Variants in PIP4K2A observed in about 807,000 individuals in gnomAD.
PIP4K2A encodes the protein phosphatidylinositol-5-phosphate 4-kinase type 2 alpha.
Under a neutral mutation model 42.9 loss-of-function variants are expected in PIP4K2A, and 14 were observed. The observed-to-expected ratio is 0.33, with a 90% CI of 0.22 to 0.51. The LOEUF is 0.51. PIP4K2A is among the 20% of genes least tolerant of loss of function. The pLI is 0.97. For synonymous variants in PIP4K2A, 192 were observed against 192.2 expected, an observed-to-expected ratio of 1.00 and a Z score of 0.01; for missense variants, 434 against 519.8, an observed-to-expected ratio of 0.83 and a Z score of 1.61.
At chr10:22,703,848 T>C (rs1426427040) in intron 1 of PIP4K2A, among the ~76,000 whole-genome samples, 1 of 152,024 alleles carries the variant, frequency 6.6e-6, no homozygotes, top group East Asian at 1.9e-4. Flanking sequence ...AAATTGGATG[T>C]GGAGAAGGAG....
intron 1 of PIP4K2A, among the ~76,000 whole-genome samples, chr10:22,639,958 T>G (rs1266870633): frequency 4.7e-5 from 7 of 149,998 alleles, no homozygotes; most frequent in African/African-American, 1.7e-4. Context: ...TAATTAAAAC[T>G]GGCGGTTTAC....
intron 1 of PIP4K2A, among the ~76,000 whole-genome samples, chr10:22,667,960 G>C (rs1485372702): frequency 6.6e-6 from 1 of 150,892 alleles, no homozygotes; most frequent in Non-Finnish European, 1.5e-5. Flanking sequence ...GAGAGAGACA[G>C]ACAGAAAGAC....
chr10:22,642,774 T>G (rs1793534873), intron 1 of PIP4K2A, among the ~76,000 whole-genome samples: 1 of 151,952 alleles, frequency 6.6e-6, no homozygotes, highest in Non-Finnish European at 1.5e-5. Context: ...ACCAACAAAG[T>G]CTCTGTGGTC....
chr10:22,676,835 C>G (rs907491092), intron 1 of PIP4K2A, among the ~76,000 whole-genome samples: 3 of 152,168 alleles, frequency 2.0e-5, no homozygotes, highest in African/African-American at 7.2e-5. Context: ...CAGAATGTCA[C>G]TCAGTACTAA....
chr10:22,542,724 C>A (rs1836154568), intron 7 of PIP4K2A, among the ~76,000 whole-genome samples: 1 of 152,212 alleles, frequency 6.6e-6, no homozygotes, highest in Admixed American at 6.5e-5. Context: ...TCCTGTCTGC[C>A]CAGTTCTTTG....
chr10:22,653,407 A>T (rs1416359528), intron 1 of PIP4K2A, among the ~76,000 whole-genome samples: 1 of 152,188 alleles, frequency 6.6e-6, no homozygotes, highest in Non-Finnish European at 1.5e-5. Context: ...CTAAAACTTC[A>T]ACATCTCTTT....
rs190104304 is a variant in PIP4K2A at position 22,643,524 on chromosome 10, G to A, written c.145-33807C>T. ...TTACAAGAATTCTAGCCACCAGCTC[G>A]CTCCATTCCCCTCCAAAGATTGCCT... On this transcript the variant is annotated intron_variant, in intron 1 of 9. Coordinates refer to ENST00000376573, the MANE Select transcript of PIP4K2A (RefSeq NM_005028.5). 7.2e-5 allele frequency among the ~76,000 whole-genome samples: 11 copies of A among 152,160 alleles called. No homozygotes were observed. In the East Asian group the frequency reaches 1.5e-3, roughly 21 times the overall value.
chr10:22,555,289 C>T (rs1398239809), intron 6 of PIP4K2A, among the ~76,000 whole-genome samples: 1 of 152,052 alleles, frequency 6.6e-6, no homozygotes, highest in East Asian at 1.9e-4. Context: ...AGTTAAGTTA[C>T]CTCTCTGTGA....
At position 22,649,571 on chromosome 10, in the gene PIP4K2A, G is replaced by C. The variant is rs12265923; in HGVS notation, c.145-39854C>G. Among the ~76,000 whole-genome samples, 1,113 of 152,300 alleles carry C rather than the reference G, an allele frequency of 7.3e-3. 12 individuals carry two copies. Among genetic ancestry groups the C allele is most frequent in the African/African-American group, 0.025 (1,056 of 41,554 alleles). On this transcript the variant is annotated intron_variant, in intron 1 of 9. Transcript: ENST00000376573. Reference sequence around the variant, plus strand: ...CCTCCAGGAGCTAATAAAATAACTAGTGGGTGACACTGCAGACACAAGGAA... The same window carrying C: ...CCTCCAGGAGCTAATAAAATAACTACTGGGTGACACTGCAGACACAAGGAA...
intron 1 of PIP4K2A, among the ~76,000 whole-genome samples, chr10:22,712,851 T>C (rs1239025373): frequency 6.6e-6 from 1 of 151,992 alleles, no homozygotes; most frequent in East Asian, 1.9e-4. Context: ...CCTGCTCAGC[T>C]TGGGGAAGAA....
Position 22,663,886 on chromosome 10 carries a change from C to A in PIP4K2A, c.144+50297G>T, listed in dbSNP as rs950270563. 4.0e-5 allele frequency among the ~76,000 whole-genome samples: 6 copies of A among 150,952 alleles called. No homozygotes were observed. The Admixed American group carries it at 4.0e-4, about 10-fold the overall frequency. The stretch of plus-strand genomic sequence containing the variant: ...TTCCCCCCATTTTGGCCATTATCAA[C>A]AGAGTTGCATGATAAATATCACTGT... On this transcript the variant is annotated intron_variant, in intron 1 of 9. Coordinates refer to ENST00000376573, the MANE Select transcript of PIP4K2A (RefSeq NM_005028.5).
chr10:22,559,746 C>T (rs1352834070), intron 6 of PIP4K2A, among the ~76,000 whole-genome samples: 2 of 152,072 alleles, frequency 1.3e-5, no homozygotes, highest in South Asian at 2.1e-4. Flanking sequence ...CAAGTGGGGC[C>T]GACTGCTGAA....
At chr10:22,550,482 G>A (rs1317583630) in intron 7 of PIP4K2A, among the ~76,000 whole-genome samples, 177 bp downstream of exon 7, 1 of 152,266 alleles carries the variant, frequency 6.6e-6, no homozygotes, top group South Asian at 2.1e-4. Flanking sequence ...ACTGGCATGC[G>A]TTTGCTTTAA....
At chr10:22,601,423 G>C (rs1200013538) in intron 3 of PIP4K2A, among the ~76,000 whole-genome samples, 4 of 152,170 alleles carry the variant, frequency 2.6e-5, no homozygotes, top group Admixed American at 2.6e-4. Flanking sequence ...GACCCTGATG[G>C]GCTGTGAGGG....
intron 4 of PIP4K2A, among the ~76,000 whole-genome samples, chr10:22,579,754 T>A (rs929052982): frequency 6.6e-6 from 1 of 151,450 alleles, no homozygotes; most frequent in African/African-American, 2.4e-5. Flanking sequence ...ACTAAACATA[T>A]AAAAATCAGA....
intron 1 of PIP4K2A, among the ~76,000 whole-genome samples, chr10:22,629,730 C>T (rs1225258884): frequency 6.6e-6 from 1 of 152,088 alleles, no homozygotes; most frequent in Non-Finnish European, 1.5e-5. Context: ...CCCTTTTTAA[C>T]ACTCTAGAGG....
intron 4 of PIP4K2A, among the ~76,000 whole-genome samples, chr10:22,574,960 C>A (rs530821208): frequency 6.6e-6 from 1 of 152,178 alleles, no homozygotes; most frequent in Non-Finnish European, 1.5e-5. Flanking sequence ...CTAGTCTCCA[C>A]GTGCAGTAGA....
chr10:22,557,620 G>A (rs1836584752), intron 6 of PIP4K2A, among the ~76,000 whole-genome samples: 1 of 152,126 alleles, frequency 6.6e-6, no homozygotes, highest in Non-Finnish European at 1.5e-5. Context: ...TTTTATTTTA[G>A]TGAGATTTTA....
At chr10:22,580,285 G>A (rs1837236865) in intron 4 of PIP4K2A, among the ~76,000 whole-genome samples, 1 of 152,038 alleles carries the variant, frequency 6.6e-6, no homozygotes, top group Non-Finnish European at 1.5e-5. Context: ...ACAACTGTGA[G>A]CACATTTTTC....
Sources: allele counts gnomAD v4.1 joint callset (sites outside exome capture counted in the v4.1 genomes callset), GRCh38; gene constraint gnomAD v4.1.1; transcripts MANE v1.5; gene names NCBI Gene and HGNC (gene_info 2026-07-23, HGNC 2026-07-21).